The following GRIK4 variants were observed in gnomAD, a reference collection of about 807,000 sequenced individuals.
GRIK4 encodes the protein glutamate ionotropic receptor kainate type subunit 4, also known as glutamate receptor ionotropic, kainate 4.
GRIK4 carries 40 observed loss-of-function variants against 104.9 expected under a neutral mutation model. The observed-to-expected ratio is 0.38, with a 90% CI of 0.30 to 0.50. The LOEUF (loss-of-function observed/expected upper bound fraction) is 0.50. Among genes scored for constraint, GRIK4 ranks in the 20% least tolerant of loss-of-function variants. The pLI is 0.93. For missense variants in GRIK4, 1,047 were observed against 1,308.1 expected (o/e 0.80, Z 3.08); for synonymous variants, 485 against 524.9 (o/e 0.92, Z 1.04).
intron 3 of GRIK4, among the ~76,000 whole-genome samples, chr11:120,670,466 C>T (rs1432688512): frequency 1.3e-5 from 2 of 152,254 alleles, no homozygotes; most frequent in East Asian, 1.9e-4. Flanking sequence ...CACCCTGCCT[C>T]TCACTCATGC....
chr11:120,876,158 C>CCAT (rs1359831827), intron 11 of GRIK4, among the ~76,000 whole-genome samples: 1 of 147,310 alleles, frequency 6.8e-6, no homozygotes, highest in African/African-American at 2.5e-5. Flanking sequence ...ACCACCACCA[C>CCAT]CATCATCATC....
At position 120,952,364 on chromosome 11, in the gene GRIK4, C is replaced by T. The variant is rs1293399857; in HGVS notation, c.1591-491C>T. 3.3e-5 allele frequency among the ~76,000 whole-genome samples: 5 copies of T among 152,124 alleles called. No homozygotes were observed. Among genetic ancestry groups the T allele is most frequent in the South Asian group, 2.1e-4 (1 of 4,822 alleles). On this transcript the variant is annotated intron_variant, in intron 14 of 20. Transcript: ENST00000527524. The surrounding 1 kb of genome is among the most constrained non-coding windows in gnomAD (Gnocchi z 5.2). ...CCTCCCAGGACTGTTTTGAGGTTGACGGGGGAAGGTCTCACTGTGTGAGAT... is the reference window on the plus strand; with the variant it reads ...CCTCCCAGGACTGTTTTGAGGTTGATGGGGGAAGGTCTCACTGTGTGAGAT...
At chr11:120,828,979 C>T (rs561664997) in intron 6 of GRIK4, among the ~76,000 whole-genome samples, 1 of 152,314 alleles carries the variant, frequency 6.6e-6, no homozygotes, top group Admixed American at 6.5e-5. Context: ...CAGCACCATG[C>T]TATGCATAAC....
chr11:120,755,434 C>T (rs539438974), intron 3 of GRIK4, among the ~76,000 whole-genome samples: 1 of 152,108 alleles, frequency 6.6e-6, no homozygotes, highest in South Asian at 2.1e-4. Flanking sequence ...AGTGAGACCT[C>T]ATCTCTACAA....
At chr11:120,985,049 G>A (rs923121196) in intron 20 of GRIK4, among the ~76,000 whole-genome samples, 43 of 151,858 alleles carry the variant, frequency 2.8e-4, no homozygotes, top group African/African-American at 9.7e-4. Flanking sequence ...GGCTGGTCCC[G>A]AACTCCTGAC....
chr11:120,954,136 A>G (rs1228110360), intron 15 of GRIK4, among the ~76,000 whole-genome samples: 1 of 152,000 alleles, frequency 6.6e-6, no homozygotes, highest in Non-Finnish European at 1.5e-5. Context: ...ACCACGGGCT[A>G]CCTAACCCCT....
chr11:120,929,811 G>T (rs895468849), intron 13 of GRIK4, among the ~76,000 whole-genome samples: 2 of 148,528 alleles, frequency 1.3e-5, no homozygotes, highest in African/African-American at 4.9e-5. Flanking sequence ...GGGGAGAAGG[G>T]CGCCCTCTAG....
At chr11:120,528,611 G>C (rs1022558953) in intron 1 of GRIK4, among the ~76,000 whole-genome samples, 2 of 152,150 alleles carry the variant, frequency 1.3e-5, no homozygotes, top group Non-Finnish European at 2.9e-5. Flanking sequence ...GGAAAAAGGG[G>C]TTAATGAAGT....
At position 120,761,274 on chromosome 11, in the gene GRIK4, C is replaced by A. The variant is rs181650188; in HGVS notation, c.83-41419C>A. On this transcript the variant is annotated intron_variant, in intron 3 of 20. Coordinates refer to ENST00000527524, the MANE Select transcript of GRIK4 (RefSeq NM_014619.5). The stretch of plus-strand genomic sequence containing the variant: ...TTGCAAAGAGTCTGTTCATATCCTT[C>A]GCCCACTTTTTGATGGGGTTGTTTG... Among the ~76,000 whole-genome samples, 103 of 152,196 alleles carry A rather than the reference C, an allele frequency of 6.8e-4. 2 individuals carry two copies. Among genetic ancestry groups the A allele is most frequent in the African/African-American group, 2.4e-3 (98 of 41,540 alleles).
At chr11:120,691,415 A>C (rs796114449) in intron 3 of GRIK4, among the ~76,000 whole-genome samples, 13 of 152,336 alleles carry the variant, frequency 8.5e-5, no homozygotes, top group African/African-American at 2.9e-4. Flanking sequence ...GAACTCTCAC[A>C]GAATCATGTG....
At chr11:120,911,196 A>T (rs984342997) in intron 13 of GRIK4, among the ~76,000 whole-genome samples, 8 of 152,046 alleles carry the variant, frequency 5.3e-5, no homozygotes, top group Admixed American at 1.3e-4. Flanking sequence ...GTGAGAACCA[A>T]AAGTAGCTTG....
chr11:120,737,973 C>T (rs747371591), intron 3 of GRIK4, among the ~76,000 whole-genome samples: 32 of 151,922 alleles, frequency 2.1e-4, no homozygotes, highest in Non-Finnish European at 4.0e-4. Context: ...AAAACATAAG[C>T]GGAATTTAAA....
chr11:120,714,117 G>C (rs1206091297), intron 3 of GRIK4, among the ~76,000 whole-genome samples: 1 of 152,210 alleles, frequency 6.6e-6, no homozygotes, highest in Non-Finnish European at 1.5e-5. Flanking sequence ...AGTTGCTGTT[G>C]TTATGACTGA....
intron 3 of GRIK4, among the ~76,000 whole-genome samples, chr11:120,685,961 G>T (rs1022672297): frequency 1.3e-5 from 2 of 152,098 alleles, no homozygotes; most frequent in African/African-American, 2.4e-5. Flanking sequence ...CCAGCTGTGC[G>T]CAGAGTTCAA....
At chr11:120,871,675 A>T (rs752238985) in intron 9 of GRIK4, 1 of 456,334 alleles carries the variant, frequency 2.2e-6, no homozygotes, top group Admixed American at 2.3e-5. Flanking sequence ...CAGTGGCCTG[A>T]TCCAGTATCT....
rs570502151 is a variant in GRIK4, at chr11:120,907,882, G to A, written c.1476+2389G>A. The stretch of plus-strand genomic sequence containing the variant: ...GCTGAAGGCCGTTGGTGTGCCACTG[G>A]GGTTGGTCCTGGATGGGAGTTGATG... On this transcript the variant is annotated intron_variant, in intron 13 of 20. Coordinates refer to ENST00000527524, the MANE Select transcript of GRIK4 (RefSeq NM_014619.5). 2.0e-5 allele frequency among the ~76,000 whole-genome samples: 3 copies of A among 152,272 alleles called. 1 individual carries two copies. The South Asian group carries it at 6.2e-4, about 32-fold the overall frequency.
chr11:120,947,934 C>T (rs1425294968), intron 14 of GRIK4, among the ~76,000 whole-genome samples: 1 of 152,198 alleles, frequency 6.6e-6, no homozygotes, highest in African/African-American at 2.4e-5. Flanking sequence ...AAAATAGATA[C>T]ACTAGCATAT....
chr11:120,666,723 A>G (rs1949921351), intron 3 of GRIK4, among the ~76,000 whole-genome samples: 2 of 152,180 alleles, frequency 1.3e-5, no homozygotes, highest in South Asian at 4.1e-4. Flanking sequence ...TTCAACGAAT[A>G]TTATGGGCTG....
At chr11:120,609,123 C>A (rs902253610) in intron 1 of GRIK4, among the ~76,000 whole-genome samples, 5 of 152,174 alleles carry the variant, frequency 3.3e-5, no homozygotes, top group African/African-American at 4.8e-5. Context: ...CCCAACCCTG[C>A]GTGCTCCCAG....
Sources: gnomAD v4.1 joint callset for allele counts (sites outside exome capture counted in the v4.1 genomes callset) on GRCh38, gnomAD v4.1.1 for gene constraint, Gnocchi (gnomAD v3.1) non-coding constraint, MANE v1.5 for transcripts, NCBI Gene and HGNC (gene_info 2026-07-23, HGNC 2026-07-21) for gene names.